Variants in FMNL1 observed in about 807,000 individuals in gnomAD.
The protein encoded by FMNL1 is formin like 1.
Under a neutral mutation model 121.3 loss-of-function variants are expected in FMNL1, and 43 were observed. The ratio of observed to expected loss-of-function variants is 0.35; its 90% CI spans 0.28 to 0.46. The LOEUF is 0.46. FMNL1 is among the 20% of genes least tolerant of loss of function. The probability of loss-of-function intolerance (pLI) is 1.00; values close to 1 mark genes in which losing one functional copy is unlikely to be tolerated. For missense variants in FMNL1, 1,191 were observed against 1,482.4 expected (o/e 0.80, Z 3.23); for synonymous variants, 613 against 613.5 (o/e 1.00, Z 0.01).
chr17:45,222,064 G>T lies in FMNL1; in HGVS notation c.-61G>T. ...CGCCCGGGCCGGGAGCCTCGTCCCC[G>T]TCCCCCGGAAAGCTGGATTTCCGAG... On this transcript the variant is annotated 5_prime_UTR_variant, in exon 1 of 27. Transcript: ENST00000331495. 1 of 1,127,302 alleles carries T rather than the reference G, an allele frequency of 8.9e-7. No individual in the cohort carries two copies. The highest frequency in any genetic ancestry group is 1.1e-6 in the Non-Finnish European group (1 of 921,232). The allele number at this position is 1,127,302 out of a possible 1,614,324, so 69.8% of individuals were successfully genotyped here.
At position 45,237,894 on chromosome 17, in the gene FMNL1, C is replaced by CT; in HGVS notation, c.894+256dup. On this transcript the variant is annotated intron_variant, in intron 9 of 26. Transcript: ENST00000331495. This position sits in a 1 kb window ranked among gnomAD's most constrained non-coding sequence, Gnocchi z 4.4. ...ACAACTACAGGGACCTGCTGAACCT[C>CT]TGACTCAGCCTTGCCAGATCCAAAC... 1 of 428,642 alleles carries CT rather than the reference C, an allele frequency of 2.3e-6. No individual in the cohort carries two copies. The highest frequency in any genetic ancestry group is 4.3e-6 in the Non-Finnish European group (1 of 233,114). 26.6% of individuals were successfully genotyped at this position (428,642 alleles called of 1,614,324 possible).
At chr17:45,236,950 GA>G (rs150085197) in intron 7 of FMNL1, among the ~76,000 whole-genome samples, 7,824 of 152,036 alleles carry the variant, frequency 0.051, 244 homozygotes, top group Admixed American at 0.11. Flanking sequence ...CGTCTCTACT[GA>G]AAAAAATACA....
Position 45,242,165 on chromosome 17 carries a change from C to T in FMNL1, c.1885+19C>T. Reference sequence around the variant, plus strand: ...GGCCCAGGTGAGTGGAGTGGACCACCTTGGGCCCGGGGCTGGGGGGAGATG... The same window carrying T: ...GGCCCAGGTGAGTGGAGTGGACCACTTTGGGCCCGGGGCTGGGGGGAGATG... On this transcript the variant is annotated intron_variant, in intron 15 of 26. Coordinates refer to ENST00000331495, the MANE Select transcript of FMNL1 (RefSeq NM_005892.4). 2 of 1,525,472 alleles carry T rather than the reference C, an allele frequency of 1.3e-6. No individual in the cohort carries two copies. The allele number at this position is 1,525,472 out of a possible 1,614,324, so 94.5% of individuals were successfully genotyped here.
In FMNL1 at chr17:45,241,352, G is replaced by A. The variant is rs1567968216; in HGVS notation, c.1333-30G>A. 1 of 1,582,416 alleles carries A rather than the reference G, an allele frequency of 6.3e-7. No homozygotes were observed. Among genetic ancestry groups the A allele is most frequent in the East Asian group, 2.3e-5 (1 of 42,990 alleles). The stretch of plus-strand genomic sequence containing the variant: ...GCTTGGTGCCAAGGAGCCTGCTGGT[G>A]GGCACTGACCCCTCCCGTGGGGTTC... On this transcript the variant is annotated intron_variant, in intron 13 of 26. Transcript: ENST00000331495. The surrounding 1 kb of genome is among the most constrained non-coding windows in gnomAD (Gnocchi z 7.0).
rs1016638197 is a variant in FMNL1 at position 45,233,250 on chromosome 17, G to C, written c.354G>C (p.Thr118=). ...TTAAGAGGCGAGTTCAGGAGTCCACGCAGGTGCTACGGGAGCTGGAGACCT... is the reference window on the plus strand; with the variant it reads ...TTAAGAGGCGAGTTCAGGAGTCCACCCAGGTGCTACGGGAGCTGGAGACCT... ...LGFKRRVQES[T]QVLRELETSL... The change falls in exon 4 of 27, where the codon ACG becomes ACC. Residue 118 remains threonine (T), a synonymous_variant. Transcript: ENST00000331495. This position sits in a 1 kb window ranked among gnomAD's most constrained non-coding sequence, Gnocchi z 4.1. The C allele has an allele frequency of 6.4e-7, 1 of 1,561,364 alleles. No individual in the cohort carries two copies. The highest frequency in any genetic ancestry group is 1.2e-5 in the South Asian group (1 of 84,730).
chr17:45,230,902 G>A (rs534132346), intron 2 of FMNL1, among the ~76,000 whole-genome samples: 31 of 152,302 alleles, frequency 2.0e-4, no homozygotes, highest in African/African-American at 7.5e-4. Flanking sequence ...TGAGTCACTA[G>A]CAGGGCTGGG....
chr17:45,233,570 C>T lies in FMNL1; in HGVS notation c.402-78C>T, dbSNP rs1174786402. 3.0e-5 allele frequency: 47 copies of T among 1,545,974 alleles called. No homozygotes were observed. Among genetic ancestry groups the T allele is most frequent in the Non-Finnish European group, 3.8e-5 (43 of 1,124,296 alleles). ...GGGGTTGAAAGGGCACCCCAGGGGT[C>T]CTTGCTGTCCCTGTTCTGTGCCCAT... On this transcript the variant is annotated intron_variant, in intron 4 of 26. Transcript: ENST00000331495. The surrounding 1 kb of genome is among the most constrained non-coding windows in gnomAD (Gnocchi z 4.1).
intron 11 of FMNL1, among the ~76,000 whole-genome samples, chr17:45,239,804 C>CT (rs113701881): frequency 1.2e-4 from 18 of 146,850 alleles, no homozygotes; most frequent in African/African-American, 3.9e-4. Context: ...TCTATGATTG[C>CT]TTTTTTTTTG....
chr17:45,236,414 G>C (rs1735680704), intron 7 of FMNL1, 170 bp downstream of exon 7: 1 of 563,514 alleles, frequency 1.8e-6, no homozygotes, highest in African/African-American at 1.9e-5. Context: ...GAGTCTTGAG[G>C]GGAAGCCCAT....
At position 45,245,662 on chromosome 17, in the gene FMNL1, G is replaced by A. The variant is rs544427015; in HGVS notation, c.2923G>A (p.Gly975Arg). 3 of 1,614,094 alleles carry A rather than the reference G, an allele frequency of 1.9e-6. No homozygotes were observed. Among genetic ancestry groups the A allele is most frequent in the South Asian group, 2.2e-5 (2 of 91,088 alleles). The change falls in exon 23 of 27, where the codon GGA becomes AGA. Residue 975 changes from glycine to arginine, a missense_variant. By Grantham distance (125) the Gly-to-Arg change is moderately radical. Transcript: ENST00000331495. ...CTTTGAGTCTGTGGTGGAGTACTTCGGAGAGAACCCCAAGACCACATCCCC... is the reference window on the plus strand; with the variant it reads ...CTTTGAGTCTGTGGTGGAGTACTTCAGAGAGAACCCCAAGACCACATCCCC... ...EAFESVVEYF[G>R]ENPKTTSPGL...
chr17:45,233,856 C>T lies in FMNL1; in HGVS notation c.485+125C>T, dbSNP rs979137755. On this transcript the variant is annotated intron_variant, in intron 5 of 26. Coordinates refer to ENST00000331495, the MANE Select transcript of FMNL1 (RefSeq NM_005892.4). This position sits in a 1 kb window ranked among gnomAD's most constrained non-coding sequence, Gnocchi z 4.1. ...CCCGAGCCTACCCTGGAACCCTCCA[C>T]TTGGCCTTGAGCGATGCTCCTTCCA... The T allele has an allele frequency of 2.3e-5, 32 of 1,397,142 alleles. No homozygotes were observed. The highest frequency in any genetic ancestry group is 8.7e-5 in the Admixed American group (4 of 46,236). The allele number at this position is 1,397,142 out of a possible 1,614,324, so 86.5% of individuals were successfully genotyped here. A position where few individuals can be genotyped will look rare whatever the true frequency, so the allele number is the denominator to read the frequency against.
intron 6 of FMNL1, 194 bp downstream of exon 6, chr17:45,234,394 G>T (rs1000412499): frequency 2.8e-5 from 25 of 897,810 alleles, no homozygotes; most frequent in Non-Finnish European, 3.9e-5. Context: ...GCTGGGTGCT[G>T]TGGCTCATGC....
intron 1 of FMNL1, among the ~76,000 whole-genome samples, chr17:45,229,825 C>CT (rs1045595599): frequency 4.6e-5 from 7 of 152,142 alleles, no homozygotes; most frequent in African/African-American, 1.7e-4. Context: ...TTCTCAGCTC[C>CT]TGGGGGAGTC....
intron 24 of FMNL1, 112 bp downstream of exon 24, chr17:45,246,085 G>A: frequency 1.3e-6 from 2 of 1,524,340 alleles, no homozygotes; most frequent in Non-Finnish European, 1.8e-6. Context: ...TGCCCCAGGA[G>A]CCTGGGATGG....
chr17:45,241,922 C>T lies in FMNL1; in HGVS notation c.1661C>T (p.Pro554Leu). Residue 554 changes from proline (P) to leucine (L), a missense_variant, in exon 15 of 27, where the codon CCG becomes CTG. Coordinates refer to ENST00000331495, the MANE Select transcript of FMNL1 (RefSeq NM_005892.4). This position sits in a 1 kb window ranked among gnomAD's most constrained non-coding sequence, Gnocchi z 7.0. ...PPPPLPGLPS[P>L]QEAPPSAPPQ... The stretch of plus-strand genomic sequence containing the variant: ...CCCCCACTGCCCGGCCTCCCCTCCC[C>T]GCAGGAAGCCCCGCCCTCTGCGCCC... 2 of 1,396,200 alleles carry T rather than the reference C, an allele frequency of 1.4e-6. No homozygotes were observed. Among genetic ancestry groups the T allele is most frequent in the Non-Finnish European group, 1.8e-6 (2 of 1,084,682 alleles). 86.5% of individuals were successfully genotyped at this position (1,396,200 alleles called of 1,614,324 possible). A position where few individuals can be genotyped will look rare whatever the true frequency, so the allele number is the denominator to read the frequency against.
At position 45,242,899 on chromosome 17, in the gene FMNL1, T is replaced by G. The variant is rs187910965; in HGVS notation, c.2011-219T>G. 1.0e-3 allele frequency among the ~76,000 whole-genome samples: 155 copies of G among 152,378 alleles called. 1 individual carries two copies. The highest frequency in any genetic ancestry group is 3.6e-3 in the African/African-American group (150 of 41,596). On this transcript the variant is annotated intron_variant, in intron 16 of 26. Transcript: ENST00000331495. ...AGTTCAGCTCTTCCTTTAGCTCTTG[T>G]GGCCCCAAGTCTGGATCCCCCGGGT...
Position 45,242,005 on chromosome 17 carries a change from G to A in FMNL1, c.1744G>A (p.Gly582Arg). The change falls in exon 15 of 27, where the codon GGA (glycine) becomes AGA (arginine). Residue 582 changes from glycine to arginine, a missense_variant. Physicochemically the swap from Gly to Arg is moderately radical, Grantham distance 125 (BLOSUM62 -2). This residue lies in a region of FMNL1 where 519 missense variants were observed against 492.8 expected (regional missense o/e 1.05). Coordinates refer to ENST00000331495, the MANE Select transcript of FMNL1 (RefSeq NM_005892.4). ...GCCCCCGCCTGCGCCGCCGCTGCCC[G>A]GAGACCTGCCGCCCCCACCCCCGCC... is the stretch of plus-strand genomic sequence containing the variant. ...PEPPPAPPLP[G>R]DLPPPPPPPP... The A allele has an allele frequency of 2.3e-6, 3 of 1,314,644 alleles. No homozygotes were observed. Among genetic ancestry groups the A allele is most frequent in the South Asian group, 1.7e-5 (1 of 57,594 alleles). 81.4% of individuals were successfully genotyped at this position (1,314,644 alleles called of 1,614,324 possible).
rs765703711 is a variant in FMNL1, at chr17:45,238,629, C to T, written c.960C>T (p.Ile320=). 8 of 1,614,146 alleles carry T rather than the reference C, an allele frequency of 5.0e-6. No homozygotes were observed. Among genetic ancestry groups the T allele is most frequent in the South Asian group, 3.3e-5 (3 of 91,082 alleles). The stretch of plus-strand genomic sequence containing the variant: ...ATTTCCGGAATGAGGACAGCAACAT[C>T]GACTTCATGGTGAGCTCAGGAGCCC... ...MEYFRNEDSN[I]DFMVACMQFI... Residue 320 remains isoleucine (I), a synonymous_variant, in exon 10 of 27, where the codon ATC becomes ATT. Transcript: ENST00000331495.
intron 11 of FMNL1, 124 bp from the exon 12 acceptor site, chr17:45,240,352 G>GA (rs2043657202): frequency 3.0e-6 from 3 of 1,007,026 alleles, no homozygotes; most frequent in Non-Finnish European, 4.1e-6. Context: ...AAAAAATAAA[G>GA]AAAAAGTAGG....
Sources: gnomAD v4.1 joint callset for allele counts (sites outside exome capture counted in the v4.1 genomes callset) on GRCh38, gnomAD v4.1.1 for gene constraint, gnomAD v4.1.1 regional missense constraint, Gnocchi (gnomAD v3.1) non-coding constraint, MANE v1.5 for transcripts, NCBI Gene and HGNC (gene_info 2026-07-23, HGNC 2026-07-21) for gene names.